The following STAG1 variants were observed in gnomAD, a reference collection of about 807,000 sequenced individuals.
STAG1 encodes STAG1 cohesin complex component, also known as cohesin subunit SA-1.
A neutral mutation model predicts 170.9 loss-of-function variants in STAG1; 26 were observed. The ratio of observed to expected loss-of-function variants is 0.15; its 90% confidence interval spans 0.11 to 0.21. The LOEUF (loss-of-function observed/expected upper bound fraction) is 0.21, where lower values mean the gene tolerates loss of function less well. STAG1 is among the 10% of genes least tolerant of loss of function. STAG1 has a pLI of 1.00. For synonymous variants in STAG1, 514 were observed against 497.7 expected (o/e 1.03, Z -0.44); for missense variants, 964 against 1,509.5 (o/e 0.64, Z 5.99).
chr3:136,599,409 T>C (rs1284568185), intron 4 of STAG1, among the ~76,000 whole-genome samples: 2 of 152,088 alleles, frequency 1.3e-5, no homozygotes, highest in Non-Finnish European at 2.9e-5. Flanking sequence ...CATGTGCCTG[T>C]AGTCCCAGCT....
intron 1 of STAG1, among the ~76,000 whole-genome samples, chr3:136,701,023 G>A (rs972161628): frequency 1.3e-5 from 2 of 150,656 alleles, no homozygotes; most frequent in African/African-American, 2.4e-5. Flanking sequence ...CTGGAACAAC[G>A]GGCACATGCC....
At chr3:136,401,175 C>A (rs2087314658) in intron 21 of STAG1, among the ~76,000 whole-genome samples, 1 of 152,178 alleles carries the variant, frequency 6.6e-6, no homozygotes, top group South Asian at 2.1e-4. Context: ...TGGACCTCTC[C>A]TGGAAACCGC....
intron 12 of STAG1, among the ~76,000 whole-genome samples, chr3:136,467,821 A>G (rs2089511310): frequency 6.6e-6 from 1 of 152,236 alleles, no homozygotes; most frequent in South Asian, 2.1e-4. Context: ...CTCAGACCAC[A>G]GTGCAATCAA....
intron 6 of STAG1, among the ~76,000 whole-genome samples, chr3:136,534,779 C>T (rs1935542594): frequency 6.6e-6 from 1 of 152,142 alleles, no homozygotes; most frequent in East Asian, 1.9e-4. Context: ...GAAAAGAGAA[C>T]TTCTATACAC....
At position 136,337,340 on chromosome 3, in the gene STAG1, G is replaced by C. The variant is rs1276136001; in HGVS notation, c.*914C>G. The C allele has an allele frequency of 2.0e-5, 3 of 152,526 alleles. No homozygotes were observed. Among genetic ancestry groups the C allele is most frequent in the Non-Finnish European group, 2.9e-5 (2 of 68,030 alleles). 9.4% of individuals were successfully genotyped at this position (152,526 alleles called of 1,614,324 possible). A position where few individuals can be genotyped will look rare whatever the true frequency, so the allele number is the denominator to read the frequency against. On this transcript the variant is annotated 3_prime_UTR_variant, in exon 34 of 34. Transcript: ENST00000383202. Reference sequence around the variant, plus strand: ...AAGAAAATGGAAGTCTGTGTAACTTGAATTTGGCAGGGCATGAAATAAGTG... The same window carrying C: ...AAGAAAATGGAAGTCTGTGTAACTTCAATTTGGCAGGGCATGAAATAAGTG...
At chr3:136,536,250 C>G (rs1935615946) in intron 6 of STAG1, among the ~76,000 whole-genome samples, 2 of 152,020 alleles carry the variant, frequency 1.3e-5, no homozygotes, top group African/African-American at 4.8e-5. Context: ...ATAACAGGCC[C>G]ATTAAAAAAC....
chr3:136,616,342 G>C (rs1437165074), intron 3 of STAG1, among the ~76,000 whole-genome samples: 1 of 151,934 alleles, frequency 6.6e-6, no homozygotes, highest in Non-Finnish European at 1.5e-5. Context: ...TTGGAGATGA[G>C]GAAATGTAAC....
Position 136,433,477 on chromosome 3 carries a change from T to C in STAG1, c.1650+79A>G. On this transcript the variant is annotated intron_variant, in intron 16 of 33. Coordinates refer to ENST00000383202, the MANE Select transcript of STAG1 (RefSeq NM_005862.3). ...CACCATGTTTTTAGGGATACAAATA[T>C]CAGTAAAATTTCCAAATATTTAAGA... is the stretch of plus-strand genomic sequence containing the variant. 4 of 964,856 alleles carry C rather than the reference T, an allele frequency of 4.1e-6. No homozygotes were observed. The South Asian group carries it at 4.4e-5, about 11-fold the overall frequency. 59.8% of individuals were successfully genotyped at this position (964,856 alleles called of 1,614,324 possible).
chr3:136,713,791 A>T (rs1338348767), intron 1 of STAG1, among the ~76,000 whole-genome samples: 1 of 151,928 alleles, frequency 6.6e-6, no homozygotes, highest in Non-Finnish European at 1.5e-5. Context: ...GGGAGGCCAC[A>T]ATGGGCAGAT....
chr3:136,495,104 T>C (rs1933011178), intron 9 of STAG1, among the ~76,000 whole-genome samples: 1 of 152,162 alleles, frequency 6.6e-6, no homozygotes, highest in African/African-American at 2.4e-5. Context: ...GTGGTATCAG[T>C]GTAAGGATAG....
At chr3:136,399,799 A>G (rs2087265696) in intron 21 of STAG1, among the ~76,000 whole-genome samples, 3 of 152,176 alleles carry the variant, frequency 2.0e-5, no homozygotes, top group Non-Finnish European at 2.9e-5. Context: ...GTTTTTCCTT[A>G]TGTGTGTTAT....
chr3:136,580,030 C>A (rs575754643), intron 4 of STAG1, among the ~76,000 whole-genome samples: 1 of 122,406 alleles, frequency 8.2e-6, no homozygotes, highest in African/African-American at 3.2e-5. Flanking sequence ...TCCAGTGGTG[C>A]GATCTCGGCT....
chr3:136,459,706 A>G (rs182772564), intron 13 of STAG1, among the ~76,000 whole-genome samples: 113 of 152,352 alleles, frequency 7.4e-4, no homozygotes, highest in Non-Finnish European at 1.2e-3. Flanking sequence ...AATCAATTAC[A>G]GAAGGAATGG....
At chr3:136,638,132 T>A in intron 1 of STAG1, among the ~76,000 whole-genome samples, 1 of 145,434 alleles carries the variant, frequency 6.9e-6, no homozygotes. Flanking sequence ...TGCATTTTCT[T>A]TTTTTTTTTT....
chr3:136,534,855 A>C (rs1295617962), intron 6 of STAG1, among the ~76,000 whole-genome samples: 1 of 152,220 alleles, frequency 6.6e-6, no homozygotes, highest in Non-Finnish European at 1.5e-5. Flanking sequence ...TCAAAAAACT[A>C]AAAATAGAAC....
chr3:136,727,412 T>C (rs1933750272), intron 1 of STAG1, among the ~76,000 whole-genome samples: 1 of 152,222 alleles, frequency 6.6e-6, no homozygotes, highest in Non-Finnish European at 1.5e-5. Flanking sequence ...AAGGGTTATA[T>C]GTGAAGAAAA....
chr3:136,356,820 G>A lies in STAG1; in HGVS notation c.3065+900C>T, dbSNP rs1437268387. Reference sequence around the variant, plus strand: ...CAGGCTGGAGTGGAGTGGCATGATCGCAGCTTACTGCAACCTCTGCCACTT... The same window carrying A: ...CAGGCTGGAGTGGAGTGGCATGATCACAGCTTACTGCAACCTCTGCCACTT... On this transcript the variant is annotated intron_variant, in intron 28 of 33. Transcript: ENST00000383202. Among the ~76,000 whole-genome samples, 4 of 149,300 alleles carry A rather than the reference G, an allele frequency of 2.7e-5. No homozygotes were observed. The South Asian group carries it at 6.4e-4, about 24-fold the overall frequency.
At chr3:136,405,576 C>T (rs2087457807) in intron 21 of STAG1, among the ~76,000 whole-genome samples, 1 of 151,142 alleles carries the variant, frequency 6.6e-6, no homozygotes. Flanking sequence ...ATATGTTAGG[C>T]CAGGTGTGGT....
intron 3 of STAG1, among the ~76,000 whole-genome samples, chr3:136,612,515 A>T (rs936495408): frequency 6.6e-6 from 1 of 151,954 alleles, no homozygotes; most frequent in African/African-American, 2.4e-5. Flanking sequence ...GATAAAGGAT[A>T]AAAAAAACAA....
Sources: gnomAD v4.1 joint callset for allele counts (sites outside exome capture counted in the v4.1 genomes callset) on GRCh38, gnomAD v4.1.1 for gene constraint, MANE v1.5 for transcripts, NCBI Gene and HGNC (gene_info 2026-07-23, HGNC 2026-07-21) for gene names.